MEAK7: variants seen among roughly 807,000 people sequenced by gnomAD.
MEAK7 encodes MTOR-associated protein MEAK7.
In MEAK7, 68 loss-of-function variants were observed where a neutral mutation model predicts 40.5. That is an observed-to-expected ratio of 1.68 (90% CI 1.38 to 2.06). The LOEUF (loss-of-function observed/expected upper bound fraction) is 2.06. Among genes scored for constraint, MEAK7 ranks in the 30% most tolerant of loss-of-function variants. The pLI is 0.00. For synonymous variants in MEAK7, 338 were observed against 231.9 expected (o/e 1.46, Z -4.16); for missense variants, 918 against 580.5 (o/e 1.58, Z -5.98).
rs536102037 is a variant in MEAK7, at chr16:84,500,313, C to T, written c.-25-2202G>A. Among the ~76,000 whole-genome samples the T allele has an allele frequency of 3.9e-5, 6 of 152,234 alleles. No homozygotes were observed. In the East Asian group the frequency reaches 5.8e-4, roughly 15 times the overall value. On this transcript the variant is annotated intron_variant, in intron 1 of 7. Coordinates refer to ENST00000343629, the MANE Select transcript of MEAK7 (RefSeq NM_020947.4). ...GTCCCCCTGTTCCAATTTCCAGTGT[C>T]GACACCTAGGAGTGGACTTGCTGGG...
chr16:84,498,490 G>C (rs1426527144), intron 1 of MEAK7, among the ~76,000 whole-genome samples: 1 of 151,722 alleles, frequency 6.6e-6, no homozygotes, highest in Non-Finnish European at 1.5e-5. Context: ...GCCCAGGCTG[G>C]TCTCCAGCTT....
At position 84,497,991 on chromosome 16, in the gene MEAK7, T is replaced by A. The variant is rs373747244; in HGVS notation, c.96A>T (p.Ser32=). Reference sequence around the variant, plus strand: ...AGACATTCGGGCTGTTTTTATCTGATGACAGAGCATCAAACAATTGATCAA... The same window carrying A: ...AGACATTCGGGCTGTTTTTATCTGAAGACAGAGCATCAAACAATTGATCAA... The part of the protein sequence containing the change: ...AEIDQLFDAL[S]SDKNSPNVSS... The change falls in exon 2 of 8, where the codon TCA becomes TCT. Residue 32 remains serine (S), a synonymous_variant. Coordinates refer to ENST00000343629, the MANE Select transcript of MEAK7 (RefSeq NM_020947.4). 1.9e-6 allele frequency: 3 copies of A among 1,614,114 alleles called. No homozygotes were observed. In the African/African-American group the frequency reaches 4.0e-5, roughly 22 times the overall value.
chr16:84,482,446 C>G, intron 6 of MEAK7, 146 bp downstream of exon 6: 2 of 1,368,438 alleles, frequency 1.5e-6, no homozygotes, highest in Non-Finnish European at 2.0e-6. Flanking sequence ...AGCACCGGCC[C>G]TGGAAACAGA....
Position 84,482,448 on chromosome 16 carries a change from G to A in MEAK7, c.1077+144C>T, listed in dbSNP as rs555498828. ...TGTCACTGCCCCCAGCACCGGCCCT[G>A]GAAACAGAAGGAACTGGACATGGCG... On this transcript the variant is annotated intron_variant, in intron 6 of 7. Transcript: ENST00000343629. The A allele has an allele frequency of 3.5e-5, 48 of 1,377,718 alleles. No homozygotes were observed. In the South Asian group the frequency reaches 5.5e-4, roughly 16 times the overall value. The allele number at this position is 1,377,718 out of a possible 1,614,324, so 85.3% of individuals were successfully genotyped here. A position where few individuals can be genotyped will look rare whatever the true frequency, so the allele number is the denominator to read the frequency against.
At position 84,504,612 on chromosome 16, in the gene MEAK7, T is replaced by A; in HGVS notation, c.-37A>T. Reference sequence around the variant, plus strand: ...GCCCAGGTACCTACCCTGCCGGGCTTCCTGGTGCTGTCCGGTCCGGTCCAG... The same window carrying A: ...GCCCAGGTACCTACCCTGCCGGGCTACCTGGTGCTGTCCGGTCCGGTCCAG... On this transcript the variant is annotated 5_prime_UTR_variant, in exon 1 of 8. Transcript: ENST00000343629. The A allele has an allele frequency of 2.0e-6, 2 of 985,630 alleles. No homozygotes were observed. The highest frequency in any genetic ancestry group is 1.2e-6 in the Non-Finnish European group (1 of 830,076). The allele number at this position is 985,630 out of a possible 1,614,324, so 61.1% of individuals were successfully genotyped here. A position where few individuals can be genotyped will look rare whatever the true frequency, so the allele number is the denominator to read the frequency against.
chr16:84,498,492 C>A (rs1160883897), intron 1 of MEAK7, among the ~76,000 whole-genome samples: 1 of 151,630 alleles, frequency 6.6e-6, no homozygotes, highest in Non-Finnish European at 1.5e-5. Context: ...CCAGGCTGGT[C>A]TCCAGCTTCT....
At chr16:84,484,362 C>A (rs553543385) in intron 5 of MEAK7, among the ~76,000 whole-genome samples, 1 of 152,200 alleles carries the variant, frequency 6.6e-6, no homozygotes, top group Non-Finnish European at 1.5e-5. Context: ...GACGCTCGGC[C>A]GCCGAGGAGC....
rs187157698 is a variant in MEAK7, at chr16:84,491,725, C to A, written c.385-2303G>T. ...TGGTGGCGTGCACCTGTAGTCCCAG[C>A]CACTTGGGAAGCTAAGGCAGGAGAA... On this transcript the variant is annotated intron_variant, in intron 3 of 7. Coordinates refer to ENST00000343629, the MANE Select transcript of MEAK7 (RefSeq NM_020947.4). Among the ~76,000 whole-genome samples, 5 of 151,320 alleles carry A rather than the reference C, an allele frequency of 3.3e-5. No homozygotes were observed. The East Asian group carries it at 9.8e-4, about 30-fold the overall frequency.
At chr16:84,482,555 C>A in intron 6 of MEAK7, 37 bp downstream of exon 6, 1 of 1,613,714 alleles carries the variant, frequency 6.2e-7, no homozygotes, top group East Asian at 2.2e-5. Context: ...TGGGGGACAT[C>A]ACCAAGGCAA....
intron 3 of MEAK7, among the ~76,000 whole-genome samples, chr16:84,489,747 C>A (rs1225317506): frequency 6.6e-6 from 1 of 152,080 alleles, no homozygotes; most frequent in Non-Finnish European, 1.5e-5. Context: ...CCAGGAGCTA[C>A]CCCCTCCAGA....
intron 3 of MEAK7, among the ~76,000 whole-genome samples, chr16:84,492,910 T>C (rs1374147077): frequency 6.6e-6 from 1 of 152,212 alleles, no homozygotes; most frequent in South Asian, 2.1e-4. Flanking sequence ...CTTCTGATAT[T>C]TGACAAACTT....
At chr16:84,491,599 G>A (rs572552524) in intron 3 of MEAK7, among the ~76,000 whole-genome samples, 1 of 149,732 alleles carries the variant, frequency 6.7e-6, no homozygotes, top group African/African-American at 2.4e-5. Flanking sequence ...AGCACTTTGG[G>A]AGGCCGAGGC....
intron 5 of MEAK7, 125 bp downstream of exon 5, chr16:84,486,506 C>A (rs1400894637): frequency 6.9e-7 from 1 of 1,452,702 alleles, no homozygotes; most frequent in South Asian, 1.5e-5. Context: ...ATCGCCCCGA[C>A]TGCGTCTAGA....
At chr16:84,504,253 C>G (rs930010016) in intron 1 of MEAK7, 1 of 705,754 alleles carries the variant, frequency 1.4e-6, no homozygotes, top group Non-Finnish European at 1.7e-6. Flanking sequence ...GGCACCCCTC[C>G]CTTTCCGCGT....
chr16:84,480,839 A>G lies in MEAK7; in HGVS notation c.1078-131T>C, dbSNP rs1912474377. ...GGGCGGGTGAGTGGTGAATGCCATC[A>G]TCTTGTTTTCCTTAACTGTGAAATA... On this transcript the variant is annotated intron_variant, in intron 6 of 7. Transcript: ENST00000343629. 9 of 1,003,950 alleles carry G rather than the reference A, an allele frequency of 9.0e-6. No individual in the cohort carries two copies. In the South Asian group the frequency reaches 1.6e-4, roughly 18 times the overall value. 62.2% of individuals were successfully genotyped at this position (1,003,950 alleles called of 1,614,324 possible). A position where few individuals can be genotyped will look rare whatever the true frequency, so the allele number is the denominator to read the frequency against.
intron 3 of MEAK7, among the ~76,000 whole-genome samples, chr16:84,490,654 A>ATATGTG (rs1555513463): frequency 7.3e-6 from 1 of 137,532 alleles, no homozygotes; most frequent in Non-Finnish European, 1.5e-5. Context: ...GCTAATCAAG[A>ATATGTG]TGTGTGTGTG....
intron 5 of MEAK7, among the ~76,000 whole-genome samples, chr16:84,483,922 G>A (rs1157281199): frequency 6.6e-6 from 1 of 152,210 alleles, no homozygotes; most frequent in Admixed American, 6.5e-5. Context: ...CCAGCTAAGT[G>A]AAGGGCTTTA....
chr16:84,485,998 T>C (rs1224186065), intron 5 of MEAK7: 2 of 151,976 alleles, frequency 1.3e-5, no homozygotes, highest in South Asian at 4.2e-4. Flanking sequence ...TTTTTTTTTT[T>C]TTTTTAAGAT....
chr16:84,489,269 C>T lies in MEAK7; in HGVS notation c.529+9G>A. The T allele has an allele frequency of 1.2e-6, 2 of 1,613,688 alleles. No homozygotes were observed. Among genetic ancestry groups the T allele is most frequent in the Non-Finnish European group, 1.7e-6 (2 of 1,179,758 alleles). ...AAAGACCTGCATCACCGCGTCCACG[C>T]ACACTTGCCTTGCAGCTTCATGTCA... On this transcript the variant is annotated intron_variant, in intron 4 of 7. Coordinates refer to ENST00000343629, the MANE Select transcript of MEAK7 (RefSeq NM_020947.4).
Sources: allele counts gnomAD v4.1 joint callset (sites outside exome capture counted in the v4.1 genomes callset), GRCh38; gene constraint gnomAD v4.1.1; transcripts MANE v1.5; gene names NCBI Gene and HGNC (gene_info 2026-07-23, HGNC 2026-07-21).